The following LRRTM4 variants were observed in gnomAD, a reference collection of about 807,000 sequenced individuals.
LRRTM4 encodes the protein leucine-rich repeat transmembrane neuronal protein 4.
Under a neutral mutation model 47.6 loss-of-function variants are expected in LRRTM4, and 25 were observed. That is an observed-to-expected ratio of 0.53 (90% confidence interval 0.38 to 0.73). The LOEUF (loss-of-function observed/expected upper bound fraction) is 0.73. Ranked by LOEUF, LRRTM4 falls within the 30% of genes least tolerant of loss-of-function variation. The pLI is 0.00. For missense variants in LRRTM4, 638 were observed against 713.4 expected (o/e 0.89, Z 1.20); for synonymous variants, 311 against 269.5 (o/e 1.15, Z -1.51).
chr2:77,026,816 A>C (rs1195440250), intron 3 of LRRTM4, among the ~76,000 whole-genome samples: 1 of 152,164 alleles, frequency 6.6e-6, no homozygotes, highest in Admixed American at 6.5e-5. Context: ...GTAGAAATAC[A>C]CATGTATTCA....
In LRRTM4 at chr2:77,468,843, T is replaced by C. The variant is rs562226777; in HGVS notation, c.1551+49475A>G. 5.3e-5 allele frequency among the ~76,000 whole-genome samples: 8 copies of C among 152,266 alleles called. No individual in the cohort carries two copies. In the East Asian group the frequency reaches 1.4e-3, roughly 26 times the overall value. On this transcript the variant is annotated intron_variant, in intron 3 of 3. Coordinates refer to ENST00000409884, the MANE Select transcript of LRRTM4 (RefSeq NM_001134745.3). ...TTCCACATGGATCCTTTTCCCTTTC[T>C]CACATCTGAGCAGCAGAAAAGCTCA...
At chr2:76,835,478 G>C (rs1671483395) in intron 3 of LRRTM4, among the ~76,000 whole-genome samples, 2 of 152,058 alleles carry the variant, frequency 1.3e-5, no homozygotes, top group African/African-American at 4.8e-5. Context: ...CTTGCATTTA[G>C]AGAAAGGAAG....
intron 3 of LRRTM4, among the ~76,000 whole-genome samples, chr2:76,866,057 A>G (rs1039669808): frequency 4.6e-5 from 7 of 152,106 alleles, no homozygotes; most frequent in African/African-American, 1.4e-4. Context: ...GGATGGGCCT[A>G]TGTATTATTC....
chr2:77,004,979 T>G (rs1205604254), intron 3 of LRRTM4, among the ~76,000 whole-genome samples: 4 of 152,174 alleles, frequency 2.6e-5, no homozygotes, highest in African/African-American at 7.2e-5. Flanking sequence ...TACCAATGCC[T>G]GTACCCCAGT....
chr2:77,371,620 G>A (rs1002669944), intron 3 of LRRTM4, among the ~76,000 whole-genome samples: 60 of 151,464 alleles, frequency 4.0e-4, no homozygotes, highest in African/African-American at 1.4e-3. Context: ...CCTTCTTCTT[G>A]CTCTAAGCCA....
intron 3 of LRRTM4, among the ~76,000 whole-genome samples, chr2:77,285,533 G>A (rs1243686326): frequency 6.6e-6 from 1 of 151,614 alleles, no homozygotes; most frequent in Non-Finnish European, 1.5e-5. Flanking sequence ...CCTGAGGTCA[G>A]GAGTTCAAGA....
chr2:76,845,172 C>A (rs1461678115), intron 3 of LRRTM4, among the ~76,000 whole-genome samples: 1 of 152,076 alleles, frequency 6.6e-6, no homozygotes, highest in African/African-American at 2.4e-5. Context: ...TATGACACAA[C>A]TGCAAAATGT....
intron 3 of LRRTM4, among the ~76,000 whole-genome samples, chr2:77,326,062 T>G (rs1670763134): frequency 6.6e-6 from 1 of 152,152 alleles, no homozygotes. Flanking sequence ...TGCGCTCCCT[T>G]TATCTGGAGG....
chr2:77,331,213 A>C (rs1478358487), intron 3 of LRRTM4, among the ~76,000 whole-genome samples: 1 of 151,990 alleles, frequency 6.6e-6, no homozygotes, highest in Non-Finnish European at 1.5e-5. Flanking sequence ...TCATGTTAGC[A>C]TTATTCTTTC....
At chr2:76,854,934 G>T (rs1173865622) in intron 3 of LRRTM4, among the ~76,000 whole-genome samples, 1 of 148,240 alleles carries the variant, frequency 6.7e-6, no homozygotes, top group Non-Finnish European at 1.5e-5. Context: ...AAAAAAGAAA[G>T]AAACAGTAGA....
intron 3 of LRRTM4, among the ~76,000 whole-genome samples, chr2:77,503,594 T>C (rs949952597): frequency 2.6e-5 from 4 of 151,534 alleles, no homozygotes; most frequent in Non-Finnish European, 5.9e-5. Flanking sequence ...TGGTAGTGTA[T>C]TCTGTGTGTG....
At chr2:77,305,971 C>T (rs1677259776) in intron 3 of LRRTM4, among the ~76,000 whole-genome samples, 2 of 152,092 alleles carry the variant, frequency 1.3e-5, no homozygotes, top group African/African-American at 4.8e-5. Context: ...CATCATTTTG[C>T]AACCCACACT....
At chr2:77,410,728 T>C (rs1446156732) in intron 3 of LRRTM4, among the ~76,000 whole-genome samples, 1 of 152,208 alleles carries the variant, frequency 6.6e-6, no homozygotes, top group Non-Finnish European at 1.5e-5. Context: ...GGGATGTATA[T>C]TAAAATCATC....
intron 3 of LRRTM4, among the ~76,000 whole-genome samples, chr2:77,509,216 A>G (rs374300284): frequency 1.9e-3 from 244 of 131,724 alleles, no homozygotes; most frequent in African/African-American, 6.5e-3. Context: ...TGGGCAACAG[A>G]GTGAGACTCT....
At chr2:77,085,765 G>T (rs1001245727) in intron 3 of LRRTM4, among the ~76,000 whole-genome samples, 1 of 152,078 alleles carries the variant, frequency 6.6e-6, no homozygotes, top group African/African-American at 2.4e-5. Context: ...ATCATCTAAT[G>T]ATTTTCTGTT....
At chr2:77,222,626 C>T (rs548326325) in intron 3 of LRRTM4, among the ~76,000 whole-genome samples, 6 of 152,016 alleles carry the variant, frequency 3.9e-5, no homozygotes, top group East Asian at 1.9e-4. Context: ...ATAAATTCCT[C>T]AACACATACA....
chr2:77,107,744 G>A (rs1671136161), intron 3 of LRRTM4, among the ~76,000 whole-genome samples: 1 of 150,508 alleles, frequency 6.6e-6, no homozygotes. Flanking sequence ...CTTGAACCCG[G>A]GAGGCAGAGT....
intron 3 of LRRTM4, among the ~76,000 whole-genome samples, chr2:76,793,678 T>C (rs1209428474): frequency 1.3e-5 from 2 of 152,108 alleles, no homozygotes; most frequent in Admixed American, 6.6e-5. Context: ...GAAGAGTCAG[T>C]GATTCACAGG....
chr2:77,335,768 A>T (rs2104262422), intron 3 of LRRTM4, among the ~76,000 whole-genome samples: 1 of 152,290 alleles, frequency 6.6e-6, no homozygotes, highest in East Asian at 1.9e-4. Flanking sequence ...CTCAACAAAA[A>T]TATTTTGAAT....
Sources: gnomAD v4.1 joint callset for allele counts (sites outside exome capture counted in the v4.1 genomes callset) on GRCh38, gnomAD v4.1.1 for gene constraint, MANE v1.5 for transcripts, NCBI Gene and HGNC (gene_info 2026-07-23, HGNC 2026-07-21) for gene names.